The following SNU13 variants were observed in gnomAD, a reference collection of about 807,000 sequenced individuals.
SNU13 encodes the protein small nuclear ribonucleoprotein 13.
Under a neutral mutation model 12.4 loss-of-function variants are expected in SNU13, and 2 were observed. The ratio of observed to expected loss-of-function variants is 0.16; its 90% CI spans 0.07 to 0.51. The LOEUF is 0.51. Among genes scored for constraint, SNU13 ranks in the 20% least tolerant of loss-of-function variants. The pLI is 0.96. For missense variants in SNU13, 66 were observed against 157.8 expected, an observed-to-expected ratio of 0.42 and a Z score of 3.12; for synonymous variants, 68 against 66.5, an observed-to-expected ratio of 1.02 and a Z score of -0.11.
intron 1 of SNU13, 55 bp from the exon 2 acceptor site, chr22:41,680,419 G>C (rs974734126): frequency 6.3e-7 from 1 of 1,575,760 alleles, no homozygotes; most frequent in Non-Finnish European, 8.7e-7. Flanking sequence ...TTTCCTACCT[G>C]AGTCACAAAA....
Position 41,688,813 on chromosome 22 carries a change from G to T in SNU13, c.-17C>A. 2 of 1,599,878 alleles carry T rather than the reference G, an allele frequency of 1.3e-6. No homozygotes were observed. The highest frequency in any genetic ancestry group is 1.7e-6 in the Non-Finnish European group (2 of 1,170,304). The stretch of plus-strand genomic sequence containing the variant: ...ACTCACCATGGCTGCGGTTCCGCGG[G>T]CTCAGCACTCCTAGGGGAGCGCAGC... On this transcript the variant is annotated 5_prime_UTR_variant, in exon 1 of 3. Coordinates refer to ENST00000401959, the MANE Select transcript of SNU13 (RefSeq NM_001003796.2).
At chr22:41,681,980 T>C (rs945781033) in intron 1 of SNU13, among the ~76,000 whole-genome samples, 3 of 103,982 alleles carry the variant, frequency 2.9e-5, no homozygotes, top group African/African-American at 1.4e-4. Context: ...TCATTTTCAT[T>C]AATTTTTCTC....
At chr22:41,681,206 A>AC (rs1485642815) in intron 1 of SNU13, 2 of 152,176 alleles carry the variant, frequency 1.3e-5, no homozygotes, top group African/African-American at 4.8e-5. Flanking sequence ...CCAATATACC[A>AC]CCTCTACCAA....
intron 1 of SNU13, chr22:41,681,161 T>C (rs1324046843): frequency 6.6e-6 from 1 of 152,220 alleles, no homozygotes; most frequent in Non-Finnish European, 1.5e-5. Flanking sequence ...TCACCTCCTC[T>C]ACAATACACA....
chr22:41,676,646 G>T (rs1387278985), intron 2 of SNU13, among the ~76,000 whole-genome samples: 1 of 151,898 alleles, frequency 6.6e-6, no homozygotes, highest in Non-Finnish European at 1.5e-5. Flanking sequence ...GAAAACAAAT[G>T]GTTTTCATTT....
At chr22:41,686,858 C>G (rs946097851) in intron 1 of SNU13, among the ~76,000 whole-genome samples, 17 of 148,990 alleles carry the variant, frequency 1.1e-4, no homozygotes, top group Non-Finnish European at 2.2e-4. Flanking sequence ...AACTCCTGAC[C>G]TCATGATCCA....
At chr22:41,679,352 T>C (rs1480693639) in intron 2 of SNU13, among the ~76,000 whole-genome samples, 1 of 151,954 alleles carries the variant, frequency 6.6e-6, no homozygotes, top group African/African-American at 2.4e-5. Flanking sequence ...AGATCAGGAG[T>C]TCGAGACCAG....
At chr22:41,678,311 T>G (rs147978407) in intron 2 of SNU13, among the ~76,000 whole-genome samples, 1 of 152,122 alleles carries the variant, frequency 6.6e-6, no homozygotes, top group Non-Finnish European at 1.5e-5. Context: ...ATAAAACCTA[T>G]GTCTTTCTCC....
intron 2 of SNU13, among the ~76,000 whole-genome samples, chr22:41,676,272 C>T (rs1249366749): frequency 2.6e-5 from 4 of 152,100 alleles, no homozygotes; most frequent in Non-Finnish European, 4.4e-5. Flanking sequence ...CCCACAGCAC[C>T]GTTTCAGATG....
At chr22:41,680,841 T>C (rs953805112) in intron 1 of SNU13, among the ~76,000 whole-genome samples, 2 of 152,206 alleles carry the variant, frequency 1.3e-5, no homozygotes, top group Non-Finnish European at 2.9e-5. Flanking sequence ...ACTATAAGCG[T>C]GCACCACCAT....
intron 1 of SNU13, among the ~76,000 whole-genome samples, chr22:41,686,724 T>A (rs2068313448): frequency 6.6e-6 from 1 of 151,782 alleles, no homozygotes; most frequent in African/African-American, 2.4e-5. Context: ...CCTCCCCGGT[T>A]ATAGTGATTC....
At chr22:41,676,160 G>A (rs962293128) in intron 2 of SNU13, among the ~76,000 whole-genome samples, 10 of 152,046 alleles carry the variant, frequency 6.6e-5, no homozygotes, top group African/African-American at 2.4e-4. Flanking sequence ...TATTTCTCAA[G>A]GTATCTGTGA....
At position 41,686,155 on chromosome 22, in the gene SNU13, G is replaced by A. The variant is rs139292551; in HGVS notation, c.3+2639C>T. 3.6e-3 allele frequency among the ~76,000 whole-genome samples: 546 copies of A among 152,132 alleles called. 2 individuals carry two copies. Among genetic ancestry groups the A allele is most frequent in the South Asian group, 7.3e-3 (35 of 4,812 alleles). On this transcript the variant is annotated intron_variant, in intron 1 of 2. Coordinates refer to ENST00000401959, the MANE Select transcript of SNU13 (RefSeq NM_001003796.2). ...GCACTCAGTCCCTTTACATATTTAA[G>A]TATTGGTATAATGGTTTCAAATTTT...
At position 41,674,212 on chromosome 22, in the gene SNU13, T is replaced by C. The variant is rs1219431783; in HGVS notation, c.*721A>G. ...CAGCATCAGTTCATGCTCTCTGAGC[T>C]TGTCACTCCCGACTCTTTCAAGACC... On this transcript the variant is annotated 3_prime_UTR_variant, in exon 3 of 3. Transcript: ENST00000401959. 1 of 152,754 alleles carries C rather than the reference T, an allele frequency of 6.5e-6. No individual in the cohort carries two copies. The highest frequency in any genetic ancestry group is 1.5e-5 in the Non-Finnish European group (1 of 68,182). The allele number at this position is 152,754 out of a possible 1,614,324, so 9.5% of individuals were successfully genotyped here. A position where few individuals can be genotyped will look rare whatever the true frequency, so the allele number is the denominator to read the frequency against.
intron 2 of SNU13, among the ~76,000 whole-genome samples, chr22:41,679,977 C>T (rs2068248779): frequency 6.6e-6 from 1 of 152,156 alleles, no homozygotes; most frequent in Non-Finnish European, 1.5e-5. Flanking sequence ...AGCCACTATA[C>T]AGTCTCCACA....
upstream of SNU13, among the ~76,000 whole-genome samples, chr22:41,689,705 C>T (rs2068344750): frequency 2.0e-5 from 3 of 150,820 alleles, no homozygotes; most frequent in South Asian, 4.2e-4. Context: ...GGGCCGGGTG[C>T]GGTGGCTCAC....
chr22:41,677,842 GTT>G (rs1484441961), intron 2 of SNU13, among the ~76,000 whole-genome samples: 1 of 151,942 alleles, frequency 6.6e-6, no homozygotes, highest in Non-Finnish European at 1.5e-5. Flanking sequence ...GCCCAAAAAC[GTT>G]TCTTTCCAAC....
chr22:41,686,404 A>C (rs1410215404), intron 1 of SNU13, among the ~76,000 whole-genome samples: 4 of 147,484 alleles, frequency 2.7e-5, no homozygotes, highest in Admixed American at 2.0e-4. Context: ...TTCCATATTC[A>C]AGGAATTCTC....
At position 41,682,381 on chromosome 22, in the gene SNU13, T is replaced by C. The variant is rs369602710; in HGVS notation, c.4-2017A>G. ...CATAGCGTCTGTCTTGGTAGTCTCTTGCCGGACACCGCGAGGATACCACGC... is the reference window on the plus strand; with the variant it reads ...CATAGCGTCTGTCTTGGTAGTCTCTCGCCGGACACCGCGAGGATACCACGC... On this transcript the variant is annotated intron_variant, in intron 1 of 2. Coordinates refer to ENST00000401959, the MANE Select transcript of SNU13 (RefSeq NM_001003796.2). 5.0e-6 allele frequency: 8 copies of C among 1,613,882 alleles called. No homozygotes were observed. In the African/African-American group the frequency reaches 8.0e-5, roughly 16 times the overall value.
Sources: allele counts gnomAD v4.1 joint callset (sites outside exome capture counted in the v4.1 genomes callset), GRCh38; gene constraint gnomAD v4.1.1; transcripts MANE v1.5; gene names NCBI Gene and HGNC (gene_info 2026-07-23, HGNC 2026-07-21).